NDRG2: variants seen among roughly 807,000 people sequenced by gnomAD.
The protein encoded by NDRG2 is NDRG family member 2.
A neutral mutation model predicts 58.2 loss-of-function variants in NDRG2; 34 were observed. The ratio of observed to expected loss-of-function variants is 0.58; its 90% CI spans 0.44 to 0.78. The LOEUF (loss-of-function observed/expected upper bound fraction) is 0.78, where lower values mean the gene tolerates loss of function less well. Ranked by LOEUF, NDRG2 falls within the 30% of genes least tolerant of loss-of-function variation. The pLI is 0.00. For missense variants in NDRG2, 434 were observed against 471.2 expected (o/e 0.92, Z 0.73); for synonymous variants, 187 against 175.9 (o/e 1.06, Z -0.50).
intron 1 of NDRG2, chr14:21,034,337 A>T: frequency 7.1e-7 from 1 of 1,403,188 alleles, no homozygotes; most frequent in Non-Finnish European, 9.9e-7. Context: ...GTGGGCCTGA[A>T]GTGGCTGTCT....
upstream of NDRG2, among the ~76,000 whole-genome samples, chr14:21,026,152 G>GCACACA (rs147701833): frequency 1.3e-5 from 2 of 149,614 alleles, no homozygotes; most frequent in South Asian, 2.1e-4. Context: ...ACACGCACAC[G>GCACACA]CACACACACA....
chr14:21,049,388 C>T (rs1244387218), intron 1 of NDRG2, among the ~76,000 whole-genome samples: 1 of 152,154 alleles, frequency 6.6e-6, no homozygotes, highest in Non-Finnish European at 1.5e-5. Context: ...GTGGTCATTA[C>T]TTTCTATGGT....
intron 9 of NDRG2, 73 bp downstream of exon 9, chr14:21,019,847 A>G (rs1879095216): frequency 1.3e-6 from 2 of 1,554,044 alleles, no homozygotes; most frequent in Non-Finnish European, 1.8e-6. Context: ...TGTCCCAGCT[A>G]AGGAAGTTAG....
At chr14:21,043,215 C>A (rs201008752) in intron 1 of NDRG2, 1 of 1,614,204 alleles carries the variant, frequency 6.2e-7, no homozygotes, top group East Asian at 2.2e-5. Flanking sequence ...CCTGCACGAG[C>A]CTTTCTCCAG....
Position 21,019,984 on chromosome 14 carries a change from G to A in NDRG2, c.556-8C>T. On this transcript the variant is annotated splice_region_variant and splice_polypyrimidine_tract_variant and intron_variant, in intron 8 of 15. Transcript: ENST00000556147. The stretch of plus-strand genomic sequence containing the variant: ...AGAGGTGAGGCCTGTTAGCTATGAG[G>A]AGAAGGCAGGTGAGAAAGTTCAGGG... 1 of 1,613,230 alleles carries A rather than the reference G, an allele frequency of 6.2e-7. No homozygotes were observed. The highest frequency in any genetic ancestry group is 1.1e-5 in the South Asian group (1 of 90,988).
chr14:21,017,548 T>G lies in NDRG2; in HGVS notation c.*48A>C. 6.3e-7 allele frequency: 1 copy of G among 1,583,082 alleles called. No homozygotes were observed. Among genetic ancestry groups the G allele is most frequent in the Non-Finnish European group, 8.6e-7 (1 of 1,162,434 alleles). On this transcript the variant is annotated 3_prime_UTR_variant, in exon 16 of 16. Coordinates refer to ENST00000556147, the MANE Select transcript of NDRG2 (RefSeq NM_001320329.2). ...CCCCTTCAGCACCTCCCAGGTTAGC[T>G]CTGGGGGAGGTGAGGGCTGGGTCCC...
intron 14 of NDRG2, 59 bp downstream of exon 14, chr14:21,018,145 C>G (rs957696074): frequency 1.2e-6 from 2 of 1,606,696 alleles, no homozygotes; most frequent in Non-Finnish European, 1.7e-6. Flanking sequence ...AAGGGCAGAG[C>G]CCAGTGCCAC....
At chr14:21,034,646 G>A (rs376301583) in intron 1 of NDRG2, 38 of 221,034 alleles carry the variant, frequency 1.7e-4, no homozygotes, top group African/African-American at 7.8e-4. Context: ...GAAAGAAGGA[G>A]CAGGCTGACC....
At chr14:21,064,910 C>T (rs947342129) in intron 1 of NDRG2, among the ~76,000 whole-genome samples, 31 of 152,218 alleles carry the variant, frequency 2.0e-4, no homozygotes, top group Non-Finnish European at 2.4e-4. Context: ...GTGGCTCATG[C>T]CTGTAATCCC....
upstream of NDRG2, chr14:21,028,487 T>C (rs970409228): frequency 5.3e-5 from 8 of 152,130 alleles, no homozygotes; most frequent in African/African-American, 1.9e-4. Flanking sequence ...GTGCTGGAAT[T>C]ATAGGCATGA....
rs572120906 is a variant in NDRG2 at position 21,017,678 on chromosome 14, C to T, written c.1034G>A (p.Arg345His). The change falls in exon 16 of 16, where the codon CGC becomes CAC. Residue 345 changes from arginine to histidine, a missense_variant. Coordinates refer to ENST00000556147, the MANE Select transcript of NDRG2 (RefSeq NM_001320329.2). ...SAASVDGNRS[R>H]SRTLSQSSES... is the part of the protein sequence containing the mutation. ...GCTGCTCTGGGACAGGGTGCGAGAGCGGGACCGGTTGCCATCAACGGATGC... is the reference window on the plus strand; with the variant it reads ...GCTGCTCTGGGACAGGGTGCGAGAGTGGGACCGGTTGCCATCAACGGATGC... 8 of 1,611,036 alleles carry T rather than the reference C, an allele frequency of 5.0e-6. No individual in the cohort carries two copies. Among genetic ancestry groups the T allele is most frequent in the African/African-American group, 4.0e-5 (3 of 74,982 alleles).
intron 14 of NDRG2, 47 bp downstream of exon 14, chr14:21,018,157 G>GGTA: frequency 1.2e-6 from 2 of 1,609,516 alleles, no homozygotes; most frequent in Non-Finnish European, 1.7e-6. Context: ...CAGTGCCACC[G>GGTA]GTATCCTATG....
At position 21,058,446 on chromosome 14, in the gene NDRG2, A is replaced by G. The variant is rs1469027345; in HGVS notation, c.24+12382T>C. 4 of 929,030 alleles carry G rather than the reference A, an allele frequency of 4.3e-6. No homozygotes were observed. In the Admixed American group the frequency reaches 7.6e-5, roughly 18 times the overall value. 57.5% of individuals were successfully genotyped at this position (929,030 alleles called of 1,614,324 possible). ...AGTTCGTTATTAATCCTTGCTCCCC[A>G]CTGCAAATGCCATTTCCCTCCCACA... On this transcript the variant is annotated intron_variant, in intron 1 of 14. Coordinates refer to the NDRG2 transcript ENST00000403829.
intron 1 of NDRG2, among the ~76,000 whole-genome samples, chr14:21,060,042 C>G (rs1885878317): frequency 6.6e-6 from 1 of 152,188 alleles, no homozygotes; most frequent in African/African-American, 2.4e-5. Context: ...TACTCATATA[C>G]TCACACTCAA....
chr14:21,067,804 A>G (rs947937878), intron 1 of NDRG2, among the ~76,000 whole-genome samples: 6 of 151,934 alleles, frequency 3.9e-5, no homozygotes, highest in African/African-American at 1.5e-4. Flanking sequence ...AAGAGCCTGC[A>G]TTCTTTGGAG....
At position 21,020,626 on chromosome 14, in the gene NDRG2, C is replaced by T. The variant is rs766873393; in HGVS notation, c.469-44G>A. 1.1e-5 allele frequency: 18 copies of T among 1,599,374 alleles called. 1 individual carries two copies. The South Asian group carries it at 1.5e-4, about 14-fold the overall frequency. ...AAGGAAATGAGAAACAGGGCATGGC[C>T]TTATCCCCTCCCCGCTAAGCTCGAC... On this transcript the variant is annotated intron_variant, in intron 7 of 15. Transcript: ENST00000556147.
At chr14:21,048,335 C>T (rs1885300447) in intron 1 of NDRG2, 1 of 152,088 alleles carries the variant, frequency 6.6e-6, no homozygotes, top group Non-Finnish European at 1.5e-5. Flanking sequence ...GCCCACATTG[C>T]TAATGAGATC....
intron 1 of NDRG2, among the ~76,000 whole-genome samples, chr14:21,037,102 C>G (rs1884669779): frequency 7.2e-6 from 1 of 139,308 alleles, no homozygotes; most frequent in Non-Finnish European, 1.5e-5. Flanking sequence ...CCCCAGCCAC[C>G]CATCACCGCT....
intron 1 of NDRG2, among the ~76,000 whole-genome samples, chr14:21,044,566 A>T (rs553530743): frequency 1.4e-4 from 21 of 152,314 alleles, no homozygotes; most frequent in Non-Finnish European, 2.6e-4. Flanking sequence ...CAGTCTGCCC[A>T]GGCCTGAGGG....
Sources: gnomAD v4.1 joint callset for allele counts (sites outside exome capture counted in the v4.1 genomes callset) on GRCh38, gnomAD v4.1.1 for gene constraint, MANE v1.5 for transcripts, NCBI Gene and HGNC (gene_info 2026-07-23, HGNC 2026-07-21) for gene names.